The following MBOAT2 variants were observed in gnomAD, a reference collection of about 807,000 sequenced individuals.
The protein encoded by MBOAT2 is membrane bound glycerophospholipid O-acyltransferase 2, also known as membrane-bound glycerophospholipid O-acyltransferase 2.
A neutral mutation model predicts 63.4 loss-of-function variants in MBOAT2; 28 were observed. That is an observed-to-expected ratio of 0.44 (90% confidence interval 0.33 to 0.61). The LOEUF is 0.61. Among genes scored for constraint, MBOAT2 ranks in the 20% least tolerant of loss-of-function variants. The pLI is 0.03. For synonymous variants in MBOAT2, 211 were observed against 215.6 expected (o/e 0.98, Z 0.19); for missense variants, 470 against 605.8 (o/e 0.78, Z 2.35).
At chr2:8,864,135 A>G (rs756993282) in intron 10 of MBOAT2, 35 bp downstream of exon 10, 1 of 1,461,568 alleles carries the variant, frequency 6.8e-7, no homozygotes, top group Non-Finnish European at 9.3e-7. Context: ...CTAGACGCCA[A>G]AGCACATCTA....
At chr2:8,967,814 TA>T (rs1321178209) in intron 1 of MBOAT2, among the ~76,000 whole-genome samples, 8 of 151,228 alleles carry the variant, frequency 5.3e-5, no homozygotes, top group East Asian at 1.9e-4. Flanking sequence ...TTGGAAACAA[TA>T]AAAAAAATTA....
chr2:8,972,350 C>A (rs1670515030), intron 1 of MBOAT2, among the ~76,000 whole-genome samples: 1 of 152,154 alleles, frequency 6.6e-6, no homozygotes, highest in Non-Finnish European at 1.5e-5. Flanking sequence ...TTCCTTACAC[C>A]TTATACAAAA....
At chr2:8,897,265 TTC>T (rs1182132641) in intron 4 of MBOAT2, among the ~76,000 whole-genome samples, 4 of 150,112 alleles carry the variant, frequency 2.7e-5, no homozygotes, top group South Asian at 4.2e-4. Flanking sequence ...TTCTCTGACT[TTC>T]TGTCTCTTTC....
At chr2:8,928,913 G>T (rs1291469078) in intron 3 of MBOAT2, among the ~76,000 whole-genome samples, 1 of 152,040 alleles carries the variant, frequency 6.6e-6, no homozygotes, top group Admixed American at 6.5e-5. Context: ...AAGATCTCAG[G>T]GACTCTCAGA....
chr2:8,899,483 T>C (rs916880645), intron 4 of MBOAT2, among the ~76,000 whole-genome samples: 1 of 152,174 alleles, frequency 6.6e-6, no homozygotes, highest in Non-Finnish European at 1.5e-5. Flanking sequence ...TGGCCCTCAA[T>C]GGTTAAACCG....
chr2:8,877,073 C>T lies in MBOAT2; in HGVS notation c.647G>A (p.Gly216Glu). The T allele has an allele frequency of 6.2e-7, 1 of 1,613,332 alleles. No homozygotes were observed. Residue 216 changes from glycine to glutamate, a missense_variant, in exon 7 of 13, where the codon GGA becomes GAA. Physicochemically the swap from Gly to Glu is moderately conservative, Grantham distance 98. Coordinates refer to ENST00000305997, the MANE Select transcript of MBOAT2 (RefSeq NM_138799.4). Reference sequence around the variant, plus strand: ...TCTTTCATACTGTGTCTCTTCTTTTCCATTTTCACCAGATTGTGTGATATG... The same window carrying T: ...TCTTTCATACTGTGTCTCTTCTTTTTCATTTTCACCAGATTGTGTGATATG... ...SYHITQSGEN[G>E]KEETQYERTE...
At chr2:8,985,898 T>C (rs993471158) in intron 1 of MBOAT2, among the ~76,000 whole-genome samples, 10 of 152,134 alleles carry the variant, frequency 6.6e-5, no homozygotes, top group African/African-American at 2.4e-4. Flanking sequence ...CTTACCCCTA[T>C]GCATAGGCTG....
chr2:8,966,844 C>T (rs1345254870), intron 1 of MBOAT2, among the ~76,000 whole-genome samples: 1 of 152,182 alleles, frequency 6.6e-6, no homozygotes, highest in Non-Finnish European at 1.5e-5. Flanking sequence ...ACAGAGCACT[C>T]CAATACCCAT....
At chr2:8,944,648 G>GACACACACACAC (rs61107364) in intron 2 of MBOAT2, among the ~76,000 whole-genome samples, 21 of 140,216 alleles carry the variant, frequency 1.5e-4, no homozygotes, top group East Asian at 2.1e-4. Context: ...CTGTTTGACT[G>GACACACACACAC]ACACACACAC....
At chr2:8,930,125 C>T (rs1014390065) in intron 3 of MBOAT2, among the ~76,000 whole-genome samples, 13 of 152,150 alleles carry the variant, frequency 8.5e-5, no homozygotes, top group African/African-American at 1.2e-4. Context: ...TTTGCCATGC[C>T]GCTGCAAGGT....
chr2:8,865,360 C>T (rs1184605221), intron 9 of MBOAT2, among the ~76,000 whole-genome samples: 1 of 152,102 alleles, frequency 6.6e-6, no homozygotes, highest in Non-Finnish European at 1.5e-5. Context: ...CATCAGACTC[C>T]AAATTCTCAT....
chr2:8,893,082 C>G (rs1165083068), intron 4 of MBOAT2, among the ~76,000 whole-genome samples: 1 of 10,468 alleles, frequency 9.6e-5, no homozygotes, highest in African/African-American at 3.8e-4. Flanking sequence ...GGGGAGGAGG[C>G]AGGGGGAGGG....
intron 8 of MBOAT2, among the ~76,000 whole-genome samples, chr2:8,872,661 CT>C (rs1465910214): frequency 1.3e-5 from 2 of 152,184 alleles, no homozygotes; most frequent in African/African-American, 2.4e-5. Flanking sequence ...TGATGACCCC[CT>C]ATCAATGTGC....
At chr2:8,881,634 G>A (rs1663146030) in intron 6 of MBOAT2, among the ~76,000 whole-genome samples, 1 of 152,052 alleles carries the variant, frequency 6.6e-6, no homozygotes, top group Non-Finnish European at 1.5e-5. Context: ...GGCTCCTAAA[G>A]ATCAAAGAAC....
At chr2:8,895,711 A>C (rs985776405) in intron 4 of MBOAT2, among the ~76,000 whole-genome samples, 2 of 150,722 alleles carry the variant, frequency 1.3e-5, no homozygotes, top group African/African-American at 4.9e-5. Context: ...GCTGGATAGG[A>C]GCGAAGAAGG....
At chr2:8,886,750 C>G (rs1663581596) in intron 5 of MBOAT2, among the ~76,000 whole-genome samples, 2 of 152,182 alleles carry the variant, frequency 1.3e-5, no homozygotes, top group African/African-American at 2.4e-5. Context: ...TCAGATACTT[C>G]TAGATCTATG....
At chr2:8,911,462 GAA>G (rs1406510990) in intron 3 of MBOAT2, among the ~76,000 whole-genome samples, 2 of 152,142 alleles carry the variant, frequency 1.3e-5, no homozygotes, top group Non-Finnish European at 2.9e-5. Context: ...AGAGCTGAAA[GAA>G]AATTCTTGCT....
chr2:8,881,020 T>C (rs1217061780), intron 6 of MBOAT2, among the ~76,000 whole-genome samples: 1 of 152,098 alleles, frequency 6.6e-6, no homozygotes, highest in Non-Finnish European at 1.5e-5. Flanking sequence ...ATGAGAGGTG[T>C]CATGAGCTTG....
chr2:8,918,680 G>T (rs1044878979), intron 3 of MBOAT2, among the ~76,000 whole-genome samples: 1 of 152,196 alleles, frequency 6.6e-6, no homozygotes, highest in Non-Finnish European at 1.5e-5. Context: ...TATCAGAAAG[G>T]CAGAAGGAAC....
Sources: allele counts gnomAD v4.1 joint callset (sites outside exome capture counted in the v4.1 genomes callset), GRCh38; gene constraint gnomAD v4.1.1; transcripts MANE v1.5; gene names NCBI Gene and HGNC (gene_info 2026-07-23, HGNC 2026-07-21).